Variants in ESR1 observed in about 807,000 individuals in gnomAD.
The protein encoded by ESR1 is estrogen receptor.
In ESR1, 12 loss-of-function variants were observed where a neutral mutation model predicts 52.7. That is an observed-to-expected ratio of 0.23 (90% CI 0.15 to 0.37). The LOEUF (loss-of-function observed/expected upper bound fraction) is 0.37, where lower values mean the gene tolerates loss of function less well. Among genes scored for constraint, ESR1 ranks in the 10% least tolerant of loss-of-function variants. The probability of loss-of-function intolerance (pLI) is 1.00; values close to 1 mark genes in which losing one functional copy is unlikely to be tolerated. For missense variants in ESR1, 584 were observed against 779.7 expected, an observed-to-expected ratio of 0.75 and a Z score of 2.99; for synonymous variants, 305 against 316.8, an observed-to-expected ratio of 0.96 and a Z score of 0.39.
At chr6:151,709,625 T>A (rs2127996759) in intron 2 of ESR1, among the ~76,000 whole-genome samples, 1 of 152,302 alleles carries the variant, frequency 6.6e-6, no homozygotes, top group South Asian at 2.1e-4. Flanking sequence ...CCAACACTTT[T>A]AATCTTTTGT....
chr6:151,966,954 C>A (rs887346958), intron 4 of ESR1, among the ~76,000 whole-genome samples: 1 of 152,172 alleles, frequency 6.6e-6, no homozygotes, highest in African/African-American at 2.4e-5. Context: ...TGTAGTGGGA[C>A]AAGCAAATCC....
chr6:152,051,528 C>T (rs1445863399), intron 5 of ESR1, among the ~76,000 whole-genome samples: 1 of 152,180 alleles, frequency 6.6e-6, no homozygotes, highest in Non-Finnish European at 1.5e-5. Context: ...TCTTCTACCT[C>T]CCCCTGCTTC....
At chr6:151,856,529 G>A (rs1223525775) in intron 2 of ESR1, among the ~76,000 whole-genome samples, 1 of 152,170 alleles carries the variant, frequency 6.6e-6, no homozygotes, top group Non-Finnish European at 1.5e-5. Context: ...AATTGTGGCA[G>A]TAAAACTGAT....
chr6:151,703,902 A>G (rs535392769), intron 2 of ESR1, among the ~76,000 whole-genome samples: 2 of 152,328 alleles, frequency 1.3e-5, no homozygotes, highest in East Asian at 3.9e-4. Flanking sequence ...AAGAGACCTG[A>G]GACAAACTGT....
chr6:152,117,661 G>A (rs1252623247), intron 6 of ESR1, among the ~76,000 whole-genome samples: 1 of 152,178 alleles, frequency 6.6e-6, no homozygotes, highest in Non-Finnish European at 1.5e-5. Context: ...ACATCACCCT[G>A]CTTCTCATTA....
intron 2 of ESR1, among the ~76,000 whole-genome samples, chr6:151,856,708 T>C (rs1787906211): frequency 6.6e-6 from 1 of 152,206 alleles, no homozygotes; most frequent in Non-Finnish European, 1.5e-5. Context: ...AATATGAATC[T>C]AGGTCCCAGA....
intron 6 of ESR1, chr6:152,122,728 CG>C (rs761773443): frequency 6.2e-7 from 1 of 1,610,394 alleles, no homozygotes; most frequent in Non-Finnish European, 8.5e-7. Context: ...GTCGGAGGGA[CG>C]CTGCTTTTTG....
At chr6:152,030,119 C>T (rs1475494368) in intron 5 of ESR1, among the ~76,000 whole-genome samples, 1 of 152,126 alleles carries the variant, frequency 6.6e-6, no homozygotes, top group African/African-American at 2.4e-5. Context: ...CCAGGCCTGC[C>T]CTACAAGAGC....
In ESR1 at chr6:151,678,541, G is replaced by A. The variant is rs931744153; in HGVS notation, n.73+21778G>A. Among the ~76,000 whole-genome samples, 7 of 152,082 alleles carry A rather than the reference G, an allele frequency of 4.6e-5. No individual in the cohort carries two copies. In the South Asian group the frequency reaches 8.3e-4, roughly 18 times the overall value. ...TCGGAACATCTGTGGGTGTGGGTTC[G>A]GCATGGATATTTGTAAAGTCTCCGT... On this transcript the variant is annotated intron_variant and non_coding_transcript_variant, in intron 1 of 2. Transcript: ENST00000473497.
intron 2 of ESR1, among the ~76,000 whole-genome samples, chr6:151,734,369 T>C (rs978947139): frequency 1.3e-5 from 2 of 152,156 alleles, no homozygotes; most frequent in Non-Finnish European, 2.9e-5. Flanking sequence ...TATTTTTCCC[T>C]GAGCTGTTTT....
At chr6:151,811,466 A>C (rs1778825489) in intron 1 of ESR1, among the ~76,000 whole-genome samples, 1 of 152,212 alleles carries the variant, frequency 6.6e-6, no homozygotes, top group African/African-American at 2.4e-5. Flanking sequence ...TATTCTTAAA[A>C]GTTAGACGTC....
chr6:152,036,531 C>T (rs1438162901), intron 5 of ESR1, among the ~76,000 whole-genome samples: 3 of 152,252 alleles, frequency 2.0e-5, no homozygotes, highest in Middle Eastern at 3.4e-3. Flanking sequence ...AAACAACCTC[C>T]ACCACTCATA....
At chr6:152,019,275 A>G (rs2043426024) in intron 5 of ESR1, among the ~76,000 whole-genome samples, 1 of 152,230 alleles carries the variant, frequency 6.6e-6, no homozygotes, top group Non-Finnish European at 1.5e-5. Flanking sequence ...TGTTAAACAC[A>G]GGCACACACG....
At chr6:151,826,288 T>C (rs1781486170) in intron 1 of ESR1, among the ~76,000 whole-genome samples, 1 of 152,196 alleles carries the variant, frequency 6.6e-6, no homozygotes, top group Non-Finnish European at 1.5e-5. Context: ...CCAAATCTTA[T>C]AGGAACATAA....
At chr6:151,923,077 A>G (rs1199527025) in intron 3 of ESR1, among the ~76,000 whole-genome samples, 1 of 152,150 alleles carries the variant, frequency 6.6e-6, no homozygotes, top group Non-Finnish European at 1.5e-5. Context: ...GTTAATCTGT[A>G]CTCATGTACG....
intron 4 of ESR1, among the ~76,000 whole-genome samples, chr6:151,967,139 C>T (rs2038358762): frequency 6.6e-6 from 1 of 152,124 alleles, no homozygotes; most frequent in Non-Finnish European, 1.5e-5. Context: ...TGCAATCTCT[C>T]AGGATGGAAA....
intron 2 of ESR1, among the ~76,000 whole-genome samples, chr6:151,770,999 T>G (rs890805156): frequency 6.6e-6 from 1 of 152,074 alleles, no homozygotes; most frequent in African/African-American, 2.4e-5. Context: ...CCTAAACCAG[T>G]GAGATGCCCC....
chr6:151,932,658 A>C (rs2033819422), intron 3 of ESR1, among the ~76,000 whole-genome samples: 1 of 148,754 alleles, frequency 6.7e-6, no homozygotes, highest in Non-Finnish European at 1.5e-5. Flanking sequence ...ATCCAGTTTC[A>C]GCTTTCTACA....
chr6:151,681,009 G>T (rs1208505904), intron 1 of ESR1, among the ~76,000 whole-genome samples: 3 of 152,112 alleles, frequency 2.0e-5, no homozygotes, highest in Non-Finnish European at 4.4e-5. Context: ...CCTGCTGCTT[G>T]GCCTCCTTAC....
Sources: allele counts gnomAD v4.1 joint callset (sites outside exome capture counted in the v4.1 genomes callset), GRCh38; gene constraint gnomAD v4.1.1; transcripts MANE v1.5; gene names NCBI Gene and HGNC (gene_info 2026-07-23, HGNC 2026-07-21).